The following IL12RB2 variants were observed in gnomAD, a reference collection of about 807,000 sequenced individuals.
IL12RB2 encodes interleukin 12 receptor subunit beta 2.
Under a neutral mutation model 89.4 loss-of-function variants are expected in IL12RB2, and 82 were observed. The ratio of observed to expected loss-of-function variants is 0.92; its 90% CI spans 0.77 to 1.10. The LOEUF (loss-of-function observed/expected upper bound fraction) is 1.10. Among genes scored for constraint, IL12RB2 ranks in the 50% least tolerant of loss-of-function variants. The pLI is 0.00. For missense variants in IL12RB2, 963 were observed against 1,031.9 expected (o/e 0.93, Z 0.92); for synonymous variants, 368 against 370.1 (o/e 0.99, Z 0.07).
intron 10 of IL12RB2, among the ~76,000 whole-genome samples, chr1:67,356,008 C>T (rs990388426): frequency 6.6e-6 from 1 of 152,146 alleles, no homozygotes; most frequent in Non-Finnish European, 1.5e-5. Context: ...CAAAGGATCT[C>T]GCAAACCATA....
intron 2 of IL12RB2, among the ~76,000 whole-genome samples, chr1:67,318,168 C>T (rs987215435): frequency 6.6e-6 from 1 of 152,162 alleles, no homozygotes; most frequent in Non-Finnish European, 1.5e-5. Context: ...GTTCAAGGAA[C>T]AGTCTGAAGG....
intron 8 of IL12RB2, among the ~76,000 whole-genome samples, chr1:67,332,377 G>A (rs1044162326): frequency 3.3e-5 from 5 of 151,914 alleles, no homozygotes; most frequent in East Asian, 1.9e-4. Context: ...CACCATGCCC[G>A]GCTAATTTTT....
chr1:67,354,654 C>T (rs1569998616), intron 10 of IL12RB2, among the ~76,000 whole-genome samples: 3 of 152,308 alleles, frequency 2.0e-5, no homozygotes, highest in Middle Eastern at 6.8e-3. Flanking sequence ...TTGTGTGTCC[C>T]AGAAGGACCT....
chr1:67,366,452 C>CAAAAAAAAAAAA (rs11329710), intron 10 of IL12RB2, among the ~76,000 whole-genome samples: 6 of 53,388 alleles, frequency 1.1e-4, no homozygotes, highest in Non-Finnish European at 1.9e-4. Context: ...GACTCCATCT[C>CAAAAAAAAAAAA]AAAAAAAAAA....
At chr1:67,389,136 T>C (rs1057306241) in intron 15 of IL12RB2, among the ~76,000 whole-genome samples, 1 of 152,164 alleles carries the variant, frequency 6.6e-6, no homozygotes, top group Admixed American at 6.5e-5. Context: ...GTATCCAGAC[T>C]GGTGGGCAGC....
chr1:67,351,434 C>G (rs887056554), intron 10 of IL12RB2, among the ~76,000 whole-genome samples: 1 of 152,176 alleles, frequency 6.6e-6, no homozygotes, highest in Non-Finnish European at 1.5e-5. Context: ...ATCTGACTAG[C>G]TTTTATAGAA....
intron 9 of IL12RB2, among the ~76,000 whole-genome samples, chr1:67,349,622 G>A (rs907125262): frequency 6.6e-6 from 1 of 152,150 alleles, no homozygotes; most frequent in Non-Finnish European, 1.5e-5. Context: ...CATCCACCTC[G>A]TGCACTGACT....
intron 2 of IL12RB2, among the ~76,000 whole-genome samples, chr1:67,316,478 C>A (rs553196017): frequency 1.7e-3 from 261 of 150,628 alleles, no homozygotes; most frequent in African/African-American, 6.0e-3. Context: ...GCTCGTTACA[C>A]CCTCAATTAA....
chr1:67,318,323 G>C (rs1656049027), intron 2 of IL12RB2, among the ~76,000 whole-genome samples: 1 of 152,180 alleles, frequency 6.6e-6, no homozygotes, highest in African/African-American at 2.4e-5. Context: ...ACCCGTTGAA[G>C]GGTTTCCAAT....
upstream of IL12RB2, chr1:67,307,375 G>A (rs1046372283): frequency 1.3e-5 from 2 of 152,380 alleles, no homozygotes; most frequent in African/African-American, 4.8e-5. Flanking sequence ...GCAGAGCACA[G>A]AGAAAGGACA....
chr1:67,372,725 C>T lies in IL12RB2; in HGVS notation c.1659C>T (p.Leu553=), dbSNP rs1450363853. 6.2e-7 allele frequency: 1 copy of T among 1,606,162 alleles called. No homozygotes were observed. The highest frequency in any genetic ancestry group is 8.5e-7 in the Non-Finnish European group (1 of 1,172,794). The stretch of plus-strand genomic sequence containing the variant: ...CAGTCCAGGAGCAAATGGGCTGCCT[C>T]CTCCATTATAGGATATACTGGAAGG... ...SIPVQEQMGC[L]LHYRIYWKER... Residue 553 remains leucine (L), a synonymous_variant, in exon 13 of 17, where the codon CTC becomes CTT. Coordinates refer to ENST00000674203, the MANE Select transcript of IL12RB2 (RefSeq NM_001374259.2).
At chr1:67,339,011 C>T (rs763399386) in intron 9 of IL12RB2, among the ~76,000 whole-genome samples, 1 of 151,954 alleles carries the variant, frequency 6.6e-6, no homozygotes, top group Non-Finnish European at 1.5e-5. Flanking sequence ...TTCTGCCCAC[C>T]CCCACCTCTC....
chr1:67,379,855 A>G (rs952263003), intron 13 of IL12RB2, 131 bp from the exon 14 acceptor site: 1 of 746,216 alleles, frequency 1.3e-6, no homozygotes, highest in Non-Finnish European at 2.3e-6. Flanking sequence ...AGGAATTTGG[A>G]CTATTTTAAA....
chr1:67,326,948 TTTA>T, intron 5 of IL12RB2, 99 bp downstream of exon 5: 3 of 711,212 alleles, frequency 4.2e-6, no homozygotes, highest in Non-Finnish European at 5.2e-6. Context: ...TTTTATTTTA[TTTA>T]TTTATTTATT....
chr1:67,379,748 A>G (rs1664381909), intron 13 of IL12RB2, among the ~76,000 whole-genome samples: 1 of 152,136 alleles, frequency 6.6e-6, no homozygotes, highest in South Asian at 2.1e-4. Context: ...AGTAAAAATA[A>G]AAGATTTTAC....
chr1:67,334,668 A>G (rs1569857590), intron 8 of IL12RB2, among the ~76,000 whole-genome samples: 2 of 152,148 alleles, frequency 1.3e-5, no homozygotes, highest in East Asian at 1.9e-4. Flanking sequence ...TTTAGTAGAG[A>G]CAGGGTTTCA....
At chr1:67,370,773 C>T (rs1034007743) in intron 11 of IL12RB2, among the ~76,000 whole-genome samples, 4 of 151,998 alleles carry the variant, frequency 2.6e-5, no homozygotes, top group African/African-American at 7.3e-5. Flanking sequence ...AACAGGAGTT[C>T]TTGAGGCCAG....
At chr1:67,391,122 C>G (rs996072836) in intron 16 of IL12RB2, among the ~76,000 whole-genome samples, 3 of 152,170 alleles carry the variant, frequency 2.0e-5, no homozygotes, top group Non-Finnish European at 2.9e-5. Context: ...GTGTGTGACT[C>G]TTGGGCAACT....
intron 2 of IL12RB2, among the ~76,000 whole-genome samples, chr1:67,319,919 G>A (rs776539649): frequency 1.2e-4 from 18 of 152,218 alleles, no homozygotes; most frequent in East Asian, 1.9e-4. Flanking sequence ...ATGTGAGGTC[G>A]CAGCAAGAAG....
Sources: gnomAD v4.1 joint callset for allele counts (sites outside exome capture counted in the v4.1 genomes callset) on GRCh38, gnomAD v4.1.1 for gene constraint, MANE v1.5 for transcripts, NCBI Gene and HGNC (gene_info 2026-07-23, HGNC 2026-07-21) for gene names.